IPO11: variants seen among roughly 807,000 people sequenced by gnomAD.
IPO11 encodes the protein importin-11.
IPO11 carries 66 observed loss-of-function variants against 143.2 expected under a neutral mutation model. The ratio of observed to expected loss-of-function variants is 0.46; its 90% CI spans 0.38 to 0.57. IPO11 has a LOEUF of 0.57. Among genes scored for constraint, IPO11 ranks in the 20% least tolerant of loss-of-function variants. The pLI, the probability that IPO11 is intolerant of heterozygous loss-of-function variation, is 0.00. For synonymous variants in IPO11, 385 were observed against 377.8 expected, an observed-to-expected ratio of 1.02 and a Z score of -0.22; for missense variants, 1,026 against 1,141.0, an observed-to-expected ratio of 0.90 and a Z score of 1.45.
chr5:62,564,341 T>C (rs949100108), intron 27 of IPO11, among the ~76,000 whole-genome samples: 1 of 152,184 alleles, frequency 6.6e-6, no homozygotes, highest in African/African-American at 2.4e-5. Flanking sequence ...TCTAGTTAAC[T>C]ACATAGTTGT....
At chr5:62,598,383 G>GCTTT (rs1491250089) in intron 28 of IPO11, among the ~76,000 whole-genome samples, 1,536 of 27,324 alleles carry the variant, frequency 0.056, 206 homozygotes, top group Non-Finnish European at 0.075. Context: ...TTGTTTGCTT[G>GCTTT]CTTGCTTGCT....
At chr5:62,478,211 G>A (rs765138126) in intron 9 of IPO11, among the ~76,000 whole-genome samples, 4 of 152,072 alleles carry the variant, frequency 2.6e-5, no homozygotes, top group Non-Finnish European at 4.4e-5. Context: ...TGTCACCCAC[G>A]CTGGAGTGCA....
At chr5:62,568,976 C>T (rs1744048523) in intron 27 of IPO11, among the ~76,000 whole-genome samples, 1 of 152,184 alleles carries the variant, frequency 6.6e-6, no homozygotes, top group Non-Finnish European at 1.5e-5. Flanking sequence ...AGAGAGTGCC[C>T]TAAGGCCAGG....
chr5:62,473,708 T>A (rs1745863308), intron 7 of IPO11, among the ~76,000 whole-genome samples: 1 of 152,208 alleles, frequency 6.6e-6, no homozygotes, highest in Non-Finnish European at 1.5e-5. Flanking sequence ...CATTTATTGA[T>A]ACAAAGATGT....
At chr5:62,569,009 G>T (rs1411449765) in intron 27 of IPO11, among the ~76,000 whole-genome samples, 1 of 152,166 alleles carries the variant, frequency 6.6e-6, no homozygotes, top group African/African-American at 2.4e-5. Flanking sequence ...CAGCCTGAGG[G>T]ACTTGAGAAT....
intron 20 of IPO11, among the ~76,000 whole-genome samples, chr5:62,522,726 T>G (rs1742244541): frequency 6.6e-6 from 1 of 152,230 alleles, no homozygotes; most frequent in Admixed American, 6.5e-5. Context: ...TCCTGTTTTA[T>G]GTCATATCCC....
Position 62,505,684 on chromosome 5 carries a change from G to A in IPO11, c.1666-557G>A, listed in dbSNP as rs183061862. On this transcript the variant is annotated intron_variant, in intron 18 of 29. Transcript: ENST00000325324. ...AATTTTCATAATATAAGAGTTCACA[G>A]CCAGACATAGGGTATTTGTTTTTGA... is the stretch of plus-strand genomic sequence containing the variant. 5.3e-5 allele frequency among the ~76,000 whole-genome samples: 8 copies of A among 152,120 alleles called. No individual in the cohort carries two copies. The East Asian group carries it at 1.5e-3, about 29-fold the overall frequency.
chr5:62,547,415 A>G (rs1743242041), intron 24 of IPO11, among the ~76,000 whole-genome samples: 1 of 152,142 alleles, frequency 6.6e-6, no homozygotes, highest in South Asian at 2.1e-4. Flanking sequence ...CCATTTGACC[A>G]AACAGGAAAG....
At chr5:62,579,545 G>A in intron 27 of IPO11, 1 of 1,551,068 alleles carries the variant, frequency 6.4e-7, no homozygotes, top group Non-Finnish European at 8.7e-7. Context: ...TCGTCTGTTT[G>A]TCAGCTCTGC....
intron 16 of IPO11, among the ~76,000 whole-genome samples, chr5:62,503,338 T>C (rs1390683452): frequency 7.6e-6 from 1 of 132,028 alleles, no homozygotes; most frequent in African/African-American, 2.9e-5. Context: ...TACTAATATA[T>C]TAATAGTATC....
intron 1 of IPO11, among the ~76,000 whole-genome samples, chr5:62,435,064 A>ATATATATGTG (rs1554047136): frequency 4.5e-5 from 5 of 111,324 alleles, no homozygotes; most frequent in Non-Finnish European, 7.3e-5. Flanking sequence ...ATATATATGT[A>ATATATATGTG]TATATATGTA....
rs371992652 is a variant in IPO11 at position 62,541,078 on chromosome 5, T to C, written c.2250+3789T>C. ...GCTGGCTCTTTAAAATAATTAATAA[T>C]TGTATTTTGGTCGCCAGGTGCCGTG... On this transcript the variant is annotated intron_variant, in intron 24 of 29. Transcript: ENST00000325324. Among the ~76,000 whole-genome samples, 4 of 152,334 alleles carry C rather than the reference T, an allele frequency of 2.6e-5. No individual in the cohort carries two copies. The East Asian group carries it at 7.7e-4, about 29-fold the overall frequency.
Position 62,421,827 on chromosome 5 carries a change from T to A in IPO11, c.-7+8898T>A, listed in dbSNP as rs1241086278. Among the ~76,000 whole-genome samples the A allele has an allele frequency of 3.9e-5, 6 of 152,308 alleles. No individual in the cohort carries two copies. In the East Asian group the frequency reaches 1.2e-3, roughly 29 times the overall value. Reference sequence around the variant, plus strand: ...GCACATGCATGTTTGAACAAATGGGTTTTTATAAATACAATGACAGGCTGA... The same window carrying A: ...GCACATGCATGTTTGAACAAATGGGATTTTATAAATACAATGACAGGCTGA... On this transcript the variant is annotated intron_variant, in intron 1 of 29. Coordinates refer to ENST00000325324, the MANE Select transcript of IPO11 (RefSeq NM_016338.5).
intron 1 of IPO11, among the ~76,000 whole-genome samples, chr5:62,416,182 C>CTTTTTTTTTTTTTTTTT (rs869236693): frequency 8.1e-6 from 1 of 123,476 alleles, no homozygotes; most frequent in African/African-American, 3.0e-5. Flanking sequence ...TTTTTCTTTT[C>CTTTTTTTTTTTTTTTTT]TTTTTTTTTT....
At chr5:62,604,204 G>GTTGTTTTGTT (rs968472257) in intron 29 of IPO11, among the ~76,000 whole-genome samples, 2 of 152,070 alleles carry the variant, frequency 1.3e-5, no homozygotes, top group South Asian at 2.1e-4. Context: ...CTGTTTTGTG[G>GTTGTTTTGTT]TTGTTTTGTT....
intron 27 of IPO11, chr5:62,581,278 G>T: frequency 6.5e-7 from 1 of 1,529,168 alleles, no homozygotes; most frequent in Non-Finnish European, 8.8e-7. Context: ...TGAGGCACAG[G>T]TCATTCTTTT....
At chr5:62,480,258 G>A (rs962697020) in intron 9 of IPO11, among the ~76,000 whole-genome samples, 4 of 152,114 alleles carry the variant, frequency 2.6e-5, no homozygotes, top group African/African-American at 9.7e-5. Flanking sequence ...TAGATGTGTG[G>A]TGTTATTTCT....
At chr5:62,568,123 A>C (rs1253549120) in intron 27 of IPO11, among the ~76,000 whole-genome samples, 1 of 150,818 alleles carries the variant, frequency 6.6e-6, no homozygotes, top group African/African-American at 2.4e-5. Flanking sequence ...ATACCACCAC[A>C]CCTGGCTAAT....
chr5:62,606,129 G>T (rs962680492), intron 29 of IPO11, among the ~76,000 whole-genome samples: 1 of 151,898 alleles, frequency 6.6e-6, no homozygotes, highest in African/African-American at 2.4e-5. Context: ...TGTGTATATT[G>T]CAGAATGGCT....
Sources: gnomAD v4.1 joint callset for allele counts (sites outside exome capture counted in the v4.1 genomes callset) on GRCh38, gnomAD v4.1.1 for gene constraint, MANE v1.5 for transcripts, NCBI Gene and HGNC (gene_info 2026-07-23, HGNC 2026-07-21) for gene names.